Variants in NSMCE4A observed in about 807,000 individuals in gnomAD.
NSMCE4A encodes the protein NSE4A component of SMC5/6 complex, also known as non-structural maintenance of chromosomes element 4 homolog A.
In NSMCE4A, 40 loss-of-function variants were observed where a neutral mutation model predicts 47.9. That is an observed-to-expected ratio of 0.83 (90% CI 0.65 to 1.09). The LOEUF (loss-of-function observed/expected upper bound fraction) is 1.09. Among genes scored for constraint, NSMCE4A ranks in the 50% least tolerant of loss-of-function variants. The pLI is 0.00. For missense variants in NSMCE4A, 500 were observed against 507.0 expected, an observed-to-expected ratio of 0.99 and a Z score of 0.13; for synonymous variants, 166 against 178.5, an observed-to-expected ratio of 0.93 and a Z score of 0.56.
chr10:121,965,255 G>T (rs1479546213), intron 5 of NSMCE4A, 31 bp downstream of exon 5: 2 of 1,497,288 alleles, frequency 1.3e-6, no homozygotes, highest in Admixed American at 1.9e-5. Context: ...ACTTTAATGT[G>T]TTTTTTTAAA....
chr10:121,962,141 G>C (rs1019683779), intron 6 of NSMCE4A: 1 of 366,244 alleles, frequency 2.7e-6, no homozygotes, highest in African/African-American at 2.3e-5. Flanking sequence ...GAACTTGGCC[G>C]GGCGCGGTGG....
At chr10:121,961,681 A>C in intron 6 of NSMCE4A, 164 bp from the exon 7 acceptor site, 1 of 502,330 alleles carries the variant, frequency 2.0e-6, no homozygotes, top group Non-Finnish European at 3.5e-6. Context: ...TACTAAAAAC[A>C]TGTATGCCCA....
At position 121,974,895 on chromosome 10, in the gene NSMCE4A, C is replaced by T. The variant is rs1311267438; in HGVS notation, c.271G>A (p.Ala91Thr). ...TTACGTTGGACGGAGTTGATGAGCG[C>T]CCGGTACTGATGGCGGATCTGGCGG... ...LCRQIRHQYR[A>T]LINSVQQNRE... Residue 91 changes from alanine (A) to threonine (T), a missense_variant, in exon 1 of 11, where the codon GCG (alanine) becomes ACG (threonine). Ala to Thr is a moderately conservative substitution (Grantham distance 58). Transcript: ENST00000369023. The T allele has an allele frequency of 2.0e-6, 3 of 1,518,750 alleles. No individual in the cohort carries two copies. The highest frequency in any genetic ancestry group is 1.2e-5 in the South Asian group (1 of 81,072). 94.1% of individuals were successfully genotyped at this position (1,518,750 alleles called of 1,614,324 possible). A position where few individuals can be genotyped will look rare whatever the true frequency, so the allele number is the denominator to read the frequency against.
At chr10:121,963,152 T>C (rs1034620111) in intron 6 of NSMCE4A, 86 bp downstream of exon 6, 8 of 661,240 alleles carry the variant, frequency 1.2e-5, no homozygotes, top group Non-Finnish European at 1.8e-5. Flanking sequence ...AAATATTACA[T>C]ACAGCTGAAA....
chr10:121,975,118 G>A lies in NSMCE4A; in HGVS notation c.48C>T (p.Gly16=). ...SGRGPEGRGR[G]RDPHRDRTRS... ...GGGTGCGATCCCGATGCGGGTCGCG[G>A]CCCCGGCCCCGGCCCTCTGGCCCGC... The change falls in exon 1 of 11, where the codon GGC becomes GGT. Residue 16 remains glycine (G), a synonymous_variant. Coordinates refer to ENST00000369023, the MANE Select transcript of NSMCE4A (RefSeq NM_017615.3). The A allele has an allele frequency of 7.0e-7, 1 of 1,418,476 alleles. No homozygotes were observed. The highest frequency in any genetic ancestry group is 9.1e-7 in the Non-Finnish European group (1 of 1,097,930). 87.9% of individuals were successfully genotyped at this position (1,418,476 alleles called of 1,614,324 possible).
intron 6 of NSMCE4A, among the ~76,000 whole-genome samples, chr10:121,962,406 G>A (rs1236662896): frequency 9.5e-5 from 14 of 148,018 alleles, no homozygotes; most frequent in Admixed American, 4.7e-4. Flanking sequence ...GCGACAGAGC[G>A]AGACTCTGTC....
intron 7 of NSMCE4A, 54 bp downstream of exon 7, chr10:121,961,369 T>C (rs1310310512): frequency 6.4e-6 from 8 of 1,244,556 alleles, no homozygotes; most frequent in Admixed American, 5.5e-5. Flanking sequence ...GCTTTTCTTA[T>C]GTAGCCTTTT....
Position 121,975,047 on chromosome 10 carries a change from C to G in NSMCE4A, c.119G>C (p.Arg40Pro). ...CTCTCTGCGCTCCCGCGCAGAGCCGCGGCGGGACCTGGGCGACAAAGGGGA... is the reference window on the plus strand; with the variant it reads ...CTCTCTGCGCTCCCGCGCAGAGCCGGGGCGGGACCTGGGCGACAAAGGGGA... ...SRSPLSPRSR[R>P]GSARERREAP... The change falls in exon 1 of 11, where the codon CGC becomes CCC. Residue 40 changes from arginine (R) to proline (P), a missense_variant. Physicochemically the swap from Arg to Pro is moderately radical, Grantham distance 103 (BLOSUM62 -2). Coordinates refer to ENST00000369023, the MANE Select transcript of NSMCE4A (RefSeq NM_017615.3). 1 of 1,468,072 alleles carries G rather than the reference C, an allele frequency of 6.8e-7. No individual in the cohort carries two copies. The highest frequency in any genetic ancestry group is 1.3e-5 in the South Asian group (1 of 75,942). 90.9% of individuals were successfully genotyped at this position (1,468,072 alleles called of 1,614,324 possible).
chr10:121,974,942 G>A lies in NSMCE4A; in HGVS notation c.224C>T (p.Ala75Val), dbSNP rs1159675710. Residue 75 changes from alanine (A) to valine (V), a missense_variant, in exon 1 of 11, where the codon GCG (alanine) becomes GTG (valine). Coordinates refer to ENST00000369023, the MANE Select transcript of NSMCE4A (RefSeq NM_017615.3). ...GCGGCACAGGCCTTGGTCGGCCTCC[G>A]CCTCCAAGCTGGCCGGGTCCATCAT... is the stretch of plus-strand genomic sequence containing the variant. ...DEMMDPASLE[A>V]EADQGLCRQI... 15 of 1,533,084 alleles carry A rather than the reference G, an allele frequency of 9.8e-6. No homozygotes were observed. Among genetic ancestry groups the A allele is most frequent in the Non-Finnish European group, 1.3e-5 (15 of 1,142,318 alleles). The allele number at this position is 1,533,084 out of a possible 1,614,324, so 95.0% of individuals were successfully genotyped here.
At chr10:121,958,679 G>C (rs1463794358) in intron 10 of NSMCE4A, among the ~76,000 whole-genome samples, 1 of 152,200 alleles carries the variant, frequency 6.6e-6, no homozygotes, top group Non-Finnish European at 1.5e-5. Context: ...GGGAAGCTGA[G>C]ATGGGAGCAT....
intron 3 of NSMCE4A, among the ~76,000 whole-genome samples, chr10:121,968,487 A>C (rs1357456966): frequency 6.6e-6 from 1 of 152,182 alleles, no homozygotes; most frequent in Admixed American, 6.5e-5. Flanking sequence ...ATCTCTATTC[A>C]GCTTGTATCT....
rs1336371209 is a variant in NSMCE4A at position 121,975,198 on chromosome 10, G to A, written c.-33C>T. ...ATTCACCGTGCAACTTCGGAACGGC[G>A]GAAGTTCGCGCCAGAAACTGAAACC... On this transcript the variant is annotated 5_prime_UTR_variant, in exon 1 of 11. Coordinates refer to ENST00000369023, the MANE Select transcript of NSMCE4A (RefSeq NM_017615.3). 3 of 1,350,690 alleles carry A rather than the reference G, an allele frequency of 2.2e-6. No individual in the cohort carries two copies. The highest frequency in any genetic ancestry group is 2.8e-6 in the Non-Finnish European group (3 of 1,056,846). The allele number at this position is 1,350,690 out of a possible 1,614,324, so 83.7% of individuals were successfully genotyped here.
At position 121,963,313 on chromosome 10, in the gene NSMCE4A, C is replaced by G; in HGVS notation, c.769G>C (p.Glu257Gln). The change falls in exon 6 of 11, where the codon GAA becomes CAA. Residue 257 changes from glutamate (E) to glutamine (Q), a missense_variant. Transcript: ENST00000369023. ...TTCTCTGTTGCTTCTTGATGAGATT[C>G]TTCCATTCTTCTTAACTGAAAAAAG... ...AMPAQLRRME[E>Q]SHQEATEKEV... 6.2e-7 allele frequency: 1 copy of G among 1,605,048 alleles called. No homozygotes were observed. Among genetic ancestry groups the G allele is most frequent in the East Asian group, 2.2e-5 (1 of 44,846 alleles).
intron 2 of NSMCE4A, among the ~76,000 whole-genome samples, chr10:121,971,273 G>T (rs1415659686): frequency 6.6e-6 from 1 of 152,094 alleles, no homozygotes; most frequent in Non-Finnish European, 1.5e-5. Flanking sequence ...CACTTTGGGA[G>T]GCCAAGGCGG....
At chr10:121,974,806 C>A (rs1952786340) in intron 1 of NSMCE4A, 68 bp downstream of exon 1, 6 of 1,238,984 alleles carry the variant, frequency 4.8e-6, no homozygotes, top group Middle Eastern at 3.1e-4. Flanking sequence ...GTGCCCTCCC[C>A]CCGCGCCCGG....
In NSMCE4A at chr10:121,963,291, T is replaced by A. The variant is rs751514422; in HGVS notation, c.791A>T (p.Glu264Val). The change falls in exon 6 of 11, where the codon GAG becomes GTG. Residue 264 changes from glutamate (E) to valine (V), a missense_variant. Coordinates refer to ENST00000369023, the MANE Select transcript of NSMCE4A (RefSeq NM_017615.3). ...RMEESHQEAT[E>V]KEVERILGLL... The stretch of plus-strand genomic sequence containing the variant: ...TCCCAAGATTCTTTCTACTTCTTTC[T>A]CTGTTGCTTCTTGATGAGATTCTTC... 6.2e-7 allele frequency: 1 copy of A among 1,612,072 alleles called. No individual in the cohort carries two copies. Among genetic ancestry groups the A allele is most frequent in the Admixed American group, 1.7e-5 (1 of 60,002 alleles).
In NSMCE4A at chr10:121,965,291, C is replaced by T. The variant is rs755939632; in HGVS notation, c.748G>A (p.Ala250Thr). ...PVIQEERAMP[A>T]QLRRMEESHQ... ...AGCAACATTTTAAAACAAACCTGGGCAGGCATTGCCCTCTCCTCTTGTATC... is the reference window on the plus strand; with the variant it reads ...AGCAACATTTTAAAACAAACCTGGGTAGGCATTGCCCTCTCCTCTTGTATC... Residue 250 changes from alanine (A) to threonine (T), a missense_variant, in exon 5 of 11, where the codon GCC (alanine) becomes ACC (threonine). By Grantham distance (58) the Ala-to-Thr change is moderately conservative (BLOSUM62 0). Coordinates refer to ENST00000369023, the MANE Select transcript of NSMCE4A (RefSeq NM_017615.3). 1 of 1,605,708 alleles carries T rather than the reference C, an allele frequency of 6.2e-7. No homozygotes were observed. Among genetic ancestry groups the T allele is most frequent in the Non-Finnish European group, 8.5e-7 (1 of 1,175,412 alleles).
At chr10:121,966,110 A>G (rs989749908) in intron 4 of NSMCE4A, 5 of 152,218 alleles carry the variant, frequency 3.3e-5, no homozygotes, top group African/African-American at 1.2e-4. Flanking sequence ...TCAAATTTTA[A>G]AAAAGCAACA....
intron 3 of NSMCE4A, among the ~76,000 whole-genome samples, chr10:121,969,317 A>G (rs567913252): frequency 8.3e-4 from 126 of 152,058 alleles, no homozygotes; most frequent in Non-Finnish European, 1.5e-3. Flanking sequence ...CCTGGGCAAC[A>G]CTCCAGCATG....
Sources: allele counts gnomAD v4.1 joint callset (sites outside exome capture counted in the v4.1 genomes callset), GRCh38; gene constraint gnomAD v4.1.1; transcripts MANE v1.5; gene names NCBI Gene and HGNC (gene_info 2026-07-23, HGNC 2026-07-21).